Variants in PI4K2A observed in about 807,000 individuals in gnomAD.
The protein encoded by PI4K2A is phosphatidylinositol 4-kinase type 2 alpha, also known as phosphatidylinositol 4-kinase type 2-alpha.
In PI4K2A, 20 loss-of-function variants were observed where a neutral mutation model predicts 55.0. The observed-to-expected ratio is 0.36, with a 90% CI of 0.26 to 0.53. The LOEUF (loss-of-function observed/expected upper bound fraction) is 0.53. PI4K2A is among the 20% of genes least tolerant of loss of function. The probability of loss-of-function intolerance (pLI) is 0.91; values close to 1 mark genes in which losing one functional copy is unlikely to be tolerated. For synonymous variants in PI4K2A, 235 were observed against 258.5 expected (o/e 0.91, Z 0.87); for missense variants, 463 against 637.1 (o/e 0.73, Z 2.94).
intron 8 of PI4K2A, among the ~76,000 whole-genome samples, chr10:97,670,018 C>T (rs960715800): frequency 4.1e-4 from 63 of 152,226 alleles, no homozygotes; most frequent in African/African-American, 1.5e-3. Context: ...GAAGTCCTCC[C>T]CCCTCAGCCT....
At chr10:97,673,665 C>T (rs748937165) in exon 9 of PI4K2A, 17 of 1,613,548 alleles carry the variant, frequency 1.1e-5, no homozygotes, top group Admixed American at 6.7e-5. Context: ...CGAGACGGCC[C>T]GTTCCCACCA....
rs1187750799 is a variant in PI4K2A at position 97,650,889 on chromosome 10, G to A, written c.436-52G>A. The stretch of plus-strand genomic sequence containing the variant: ...AGATTCCTGCTGACTTGGTCTGTGG[G>A]CTATTTTGGTCAACTCGGATTTAAC... On this transcript the variant is annotated intron_variant, in intron 1 of 8. Transcript: ENST00000370631. The A allele has an allele frequency of 5.3e-6, 7 of 1,327,664 alleles. No homozygotes were observed. In the African/African-American group the frequency reaches 8.7e-5, roughly 17 times the overall value. The allele number at this position is 1,327,664 out of a possible 1,614,324, so 82.2% of individuals were successfully genotyped here. A position where few individuals can be genotyped will look rare whatever the true frequency, so the allele number is the denominator to read the frequency against.
chr10:97,656,814 G>A lies in PI4K2A; in HGVS notation c.769-7G>A. The A allele has an allele frequency of 6.2e-7, 1 of 1,614,008 alleles. No homozygotes were observed. The highest frequency in any genetic ancestry group is 1.7e-5 in the Admixed American group (1 of 60,004). On this transcript the variant is annotated splice_polypyrimidine_tract_variant and splice_region_variant and intron_variant, in intron 3 of 8. Transcript: ENST00000370631. This position sits in a 1 kb window ranked among gnomAD's most constrained non-coding sequence, Gnocchi z 4.5. ...GAAAAACCTTTGTTCCTTCCTCTTG[G>A]TTCCAGGTTGGTTCATTCCAGCTCT... is the stretch of plus-strand genomic sequence containing the variant.
chr10:97,672,965 AGTGTTTTTT>A (rs1464334450), intron 8 of PI4K2A, among the ~76,000 whole-genome samples: 4 of 148,106 alleles, frequency 2.7e-5, no homozygotes, highest in Admixed American at 6.7e-5. Context: ...TTCATTTTTA[AGTGTTTTTT>A]GTGTTTTTTT....
At position 97,641,079 on chromosome 10, in the gene PI4K2A, G is replaced by A. The variant is rs144135625; in HGVS notation, c.337G>A (p.Val113Met). 3,955 of 1,608,734 alleles carry A rather than the reference G, an allele frequency of 2.5e-3. 91 individuals carry two copies. The African/African-American group carries it at 0.047, about 19-fold the overall frequency. ...CCCGGAGGATCCTGAGTTCGAGGCG[G>A]TGGTGCGGCAGGCCGAGCTGGCCAT... Residue 113 changes from valine (V) to methionine (M), a missense_variant, in exon 1 of 9, where the codon GTG (valine) becomes ATG (methionine). Around this residue, in one of 2 missense-constraint regions of PI4K2A, gnomAD observed 186 missense variants for 204.5 expected, o/e 0.91. Coordinates refer to ENST00000370631, the Ensembl canonical transcript of PI4K2A.
chr10:97,664,873 C>T lies in PI4K2A; in HGVS notation c.985-12C>T. 6.2e-7 allele frequency: 1 copy of T among 1,602,406 alleles called. No individual in the cohort carries two copies. The highest frequency in any genetic ancestry group is 8.6e-7 in the Non-Finnish European group (1 of 1,169,516). ...GGGTTTCCTCAGTCATTAGTCTTTC[C>T]TTGCTCTTCAGGACACAGACTGGGT... On this transcript the variant is annotated splice_polypyrimidine_tract_variant and intron_variant, in intron 5 of 8. Coordinates refer to ENST00000370631, the Ensembl canonical transcript of PI4K2A.
At chr10:97,644,648 G>T (rs560268853) in intron 1 of PI4K2A, among the ~76,000 whole-genome samples, 81 of 152,268 alleles carry the variant, frequency 5.3e-4, no homozygotes, top group African/African-American at 1.9e-3. Flanking sequence ...CATCTTGTCT[G>T]CTTTTCAGCC....
exon 2 of PI4K2A, chr10:97,651,085 G>A (rs2041528126): frequency 6.2e-7 from 1 of 1,613,852 alleles, no homozygotes; most frequent in Non-Finnish European, 8.5e-7. Flanking sequence ...TCTCTCAGAA[G>A]CAGGGGCCAG....
chr10:97,673,549 C>G, intron 8 of PI4K2A, 32 bp from the exon 9 acceptor site: 6 of 1,595,172 alleles, frequency 3.8e-6, no homozygotes, highest in Non-Finnish European at 4.3e-6. Flanking sequence ...GCTGAGGCCT[C>G]TCCCTCACCC....
intron 4 of PI4K2A, among the ~76,000 whole-genome samples, chr10:97,658,200 T>C (rs957583689): frequency 6.6e-6 from 1 of 152,152 alleles, no homozygotes; most frequent in African/African-American, 2.4e-5. Context: ...TCATTCCCCC[T>C]CCCTACGTCC....
At chr10:97,659,235 C>T (rs950959541) in intron 4 of PI4K2A, among the ~76,000 whole-genome samples, 2 of 151,410 alleles carry the variant, frequency 1.3e-5, no homozygotes, top group Non-Finnish European at 2.9e-5. Context: ...GGTCTCACTG[C>T]GTTGCCCAGA....
At chr10:97,665,127 CTG>C (rs1438935132) in intron 6 of PI4K2A, 143 bp downstream of exon 6, 2 of 569,822 alleles carry the variant, frequency 3.5e-6, no homozygotes, top group Non-Finnish European at 3.1e-6. Flanking sequence ...AACACAATGG[CTG>C]GCATATGGCA....
chr10:97,666,487 G>T (rs111519719), exon 7 of PI4K2A: 161 of 1,613,182 alleles, frequency 1.0e-4, no homozygotes, highest in Non-Finnish European at 1.3e-4. Context: ...CATTTTCTCA[G>T]GAGATCAAAG....
intron 8 of PI4K2A, among the ~76,000 whole-genome samples, chr10:97,671,515 C>G (rs192340078): frequency 6.6e-6 from 1 of 152,052 alleles, no homozygotes; most frequent in Non-Finnish European, 1.5e-5. Flanking sequence ...TTTGTACAAT[C>G]TGCAACTTTT....
intron 4 of PI4K2A, among the ~76,000 whole-genome samples, chr10:97,659,261 T>G (rs2135757536): frequency 6.6e-6 from 1 of 151,770 alleles, no homozygotes; most frequent in East Asian, 1.9e-4. Flanking sequence ...CTCGAATTCC[T>G]GGGCTCAAGC....
intron 1 of PI4K2A, among the ~76,000 whole-genome samples, chr10:97,644,534 C>A (rs1188776605): frequency 2.0e-5 from 3 of 152,186 alleles, no homozygotes; most frequent in African/African-American, 4.8e-5. Context: ...GCTGGCATGA[C>A]ATTTCACTTT....
chr10:97,644,883 C>A (rs2041497702), intron 1 of PI4K2A, among the ~76,000 whole-genome samples: 1 of 152,136 alleles, frequency 6.6e-6, no homozygotes, highest in Non-Finnish European at 1.5e-5. Flanking sequence ...CTTTCTGCGA[C>A]AGCCACTTTT....
intron 8 of PI4K2A, among the ~76,000 whole-genome samples, chr10:97,667,676 C>A (rs1464934260): frequency 6.6e-6 from 1 of 152,180 alleles, no homozygotes; most frequent in Non-Finnish European, 1.5e-5. Flanking sequence ...CTAGGTAATT[C>A]ATTGGTAATT....
At chr10:97,665,242 C>T (rs1390713923) in intron 6 of PI4K2A, among the ~76,000 whole-genome samples, 1 of 151,962 alleles carries the variant, frequency 6.6e-6, no homozygotes, top group African/African-American at 2.4e-5. Context: ...TGAGTTTTCT[C>T]ATTGTCTCTT....
Sources: gnomAD v4.1 joint callset for allele counts (sites outside exome capture counted in the v4.1 genomes callset) on GRCh38, gnomAD v4.1.1 for gene constraint, gnomAD v4.1.1 regional missense constraint, Gnocchi (gnomAD v3.1) non-coding constraint, MANE v1.5 for transcripts, NCBI Gene and HGNC (gene_info 2026-07-23, HGNC 2026-07-21) for gene names.